Variants in SLC4A10 observed in about 807,000 individuals in gnomAD.
The protein encoded by SLC4A10 is sodium-driven chloride bicarbonate exchanger.
Under a neutral mutation model 137.7 loss-of-function variants are expected in SLC4A10, and 42 were observed. The observed-to-expected ratio is 0.30, with a 90% confidence interval of 0.24 to 0.39. The LOEUF (loss-of-function observed/expected upper bound fraction) is 0.39, where lower values mean the gene tolerates loss of function less well. Among genes scored for constraint, SLC4A10 ranks in the 10% least tolerant of loss-of-function variants. The pLI, the probability that SLC4A10 is intolerant of heterozygous loss-of-function variation, is 1.00. For synonymous variants in SLC4A10, 474 were observed against 464.1 expected, an observed-to-expected ratio of 1.02 and a Z score of -0.27; for missense variants, 925 against 1,355.0, an observed-to-expected ratio of 0.68 and a Z score of 4.98.
intron 2 of SLC4A10, among the ~76,000 whole-genome samples, chr2:161,779,586 C>T (rs1362272896): frequency 6.6e-6 from 1 of 151,730 alleles, no homozygotes; most frequent in Non-Finnish European, 1.5e-5. Context: ...ATAATAAGTG[C>T]ACATCTCATA....
intron 4 of SLC4A10, among the ~76,000 whole-genome samples, chr2:161,847,653 T>G (rs1365645940): frequency 6.6e-6 from 1 of 152,176 alleles, no homozygotes; most frequent in Admixed American, 6.5e-5. Context: ...CCTGCATTAG[T>G]TCACTTAGGA....
intron 2 of SLC4A10, among the ~76,000 whole-genome samples, chr2:161,786,545 G>A (rs537027823): frequency 1.3e-3 from 200 of 151,376 alleles, no homozygotes; most frequent in African/African-American, 4.7e-3. Flanking sequence ...TGACAGGAGA[G>A]TATTGTCCTA....
chr2:161,916,766 G>A (rs546275140), intron 15 of SLC4A10, among the ~76,000 whole-genome samples: 5 of 152,252 alleles, frequency 3.3e-5, no homozygotes, highest in Admixed American at 3.3e-4. Flanking sequence ...GGCTTGGAAT[G>A]TTTCTGCCAG....
chr2:161,633,507 C>T (rs949073917), intron 1 of SLC4A10, among the ~76,000 whole-genome samples: 1 of 151,566 alleles, frequency 6.6e-6, no homozygotes, highest in Admixed American at 6.6e-5. Context: ...TCTAGGTTTT[C>T]AATGTCTTAC....
chr2:161,849,379 G>A (rs1185226971), intron 4 of SLC4A10, among the ~76,000 whole-genome samples: 4 of 151,964 alleles, frequency 2.6e-5, no homozygotes, highest in Non-Finnish European at 5.9e-5. Context: ...TTCTCTATCT[G>A]GATGGCTTTT....
chr2:161,783,659 C>T lies in SLC4A10; in HGVS notation c.130+12605C>T, dbSNP rs1035650805. Among the ~76,000 whole-genome samples the T allele has an allele frequency of 2.0e-5, 3 of 151,698 alleles. No homozygotes were observed. In the South Asian group the frequency reaches 6.2e-4, roughly 32 times the overall value. ...GTATGGGAAGGAGAGTAAAAAGAGG[C>T]ATATTTTTGTATGTCATTGAACTTA... On this transcript the variant is annotated intron_variant, in intron 2 of 26. Coordinates refer to ENST00000446997, the MANE Select transcript of SLC4A10 (RefSeq NM_001178015.2).
At chr2:161,845,957 G>T (rs116786426) in intron 4 of SLC4A10, among the ~76,000 whole-genome samples, 2 of 152,034 alleles carry the variant, frequency 1.3e-5, no homozygotes, top group African/African-American at 4.8e-5. Context: ...AGCGCAATTC[G>T]TAAAAGGAAA....
At chr2:161,704,301 T>C (rs972326867) in intron 1 of SLC4A10, among the ~76,000 whole-genome samples, 3 of 151,608 alleles carry the variant, frequency 2.0e-5, no homozygotes, top group Non-Finnish European at 4.4e-5. Flanking sequence ...AAGTAAACAA[T>C]CAATCACACA....
chr2:161,927,468 C>T (rs1028277841), intron 15 of SLC4A10, among the ~76,000 whole-genome samples: 1 of 152,252 alleles, frequency 6.6e-6, no homozygotes, highest in East Asian at 1.9e-4. Flanking sequence ...TGGGCAAGGA[C>T]TTCATGTCTA....
At chr2:161,857,618 A>C (rs530814042) in intron 5 of SLC4A10, among the ~76,000 whole-genome samples, 133 of 152,190 alleles carry the variant, frequency 8.7e-4, no homozygotes, top group Middle Eastern at 3.4e-3. Context: ...TTTTCTCTCT[A>C]TAGTTTGTAA....
Position 161,894,683 on chromosome 2 carries a change from T to C in SLC4A10, c.1199T>C (p.Phe400Ser). Reference sequence around the variant, plus strand: ...ATATTTCTATTTCTTCTAAAGGTATTTCATGATGTTGCCTATAAAGCTAAA... The same window carrying C: ...ATATTTCTATTTCTTCTAAAGGTATCTCATGATGTTGCCTATAAAGCTAAA... ...SIATLMTDEVFHDVAYKAKDR... is the reference protein window; with the variant it reads ...SIATLMTDEVSHDVAYKAKDR... Residue 400 changes from phenylalanine (F) to serine (S), a missense_variant, in exon 11 of 27, where the codon TTT becomes TCT. Around this residue, in one of 11 missense-constraint regions of SLC4A10, gnomAD observed 277 missense variants for 306.1 expected, o/e 0.90. Coordinates refer to ENST00000446997, the MANE Select transcript of SLC4A10 (RefSeq NM_001178015.2). 7.2e-7 allele frequency: 1 copy of C among 1,391,864 alleles called. No individual in the cohort carries two copies. Among genetic ancestry groups the C allele is most frequent in the Non-Finnish European group, 9.4e-7 (1 of 1,062,170 alleles). 86.2% of individuals were successfully genotyped at this position (1,391,864 alleles called of 1,614,324 possible). A position where few individuals can be genotyped will look rare whatever the true frequency, so the allele number is the denominator to read the frequency against.
intron 1 of SLC4A10, among the ~76,000 whole-genome samples, chr2:161,650,252 T>G (rs2036604203): frequency 6.6e-6 from 1 of 152,264 alleles, no homozygotes; most frequent in African/African-American, 2.4e-5. Flanking sequence ...TATGATGTTT[T>G]CTGCATGATT....
At chr2:161,863,639 G>A (rs2060563064) in intron 6 of SLC4A10, among the ~76,000 whole-genome samples, 1 of 152,152 alleles carries the variant, frequency 6.6e-6, no homozygotes, top group African/African-American at 2.4e-5. Flanking sequence ...CATCCATGGA[G>A]CCACCCCACT....
At chr2:161,840,707 G>C (rs879004192) in intron 4 of SLC4A10, among the ~76,000 whole-genome samples, 1 of 152,156 alleles carries the variant, frequency 6.6e-6, no homozygotes, top group South Asian at 2.1e-4. Context: ...CTGTGATACA[G>C]GTGTGCACAA....
At chr2:161,687,711 G>T (rs1373427481) in intron 1 of SLC4A10, among the ~76,000 whole-genome samples, 3 of 152,188 alleles carry the variant, frequency 2.0e-5, no homozygotes, top group Non-Finnish European at 4.4e-5. Context: ...CCGGGTCGAT[G>T]TAAGTGAATC....
At chr2:161,662,773 A>G (rs1016058997) in intron 1 of SLC4A10, among the ~76,000 whole-genome samples, 1 of 152,206 alleles carries the variant, frequency 6.6e-6, no homozygotes, top group African/African-American at 2.4e-5. Context: ...CCCAGGAACT[A>G]AAGTCAGTAA....
chr2:161,945,190 A>G (rs1326364658), intron 16 of SLC4A10, among the ~76,000 whole-genome samples: 3,533 of 18,710 alleles, frequency 0.19, 222 homozygotes, highest in African/African-American at 0.28. Flanking sequence ...GTGTATATAT[A>G]TATATATATA....
intron 1 of SLC4A10, among the ~76,000 whole-genome samples, chr2:161,690,700 A>G (rs1388981971): frequency 6.6e-6 from 1 of 152,204 alleles, no homozygotes; most frequent in Non-Finnish European, 1.5e-5. Context: ...CAGAAAACCA[A>G]ACACCACATG....
At chr2:161,648,400 CCTAT>C (rs2036351919) in intron 1 of SLC4A10, among the ~76,000 whole-genome samples, 1 of 152,120 alleles carries the variant, frequency 6.6e-6, no homozygotes, top group African/African-American at 2.4e-5. Flanking sequence ...ACTTCAATTT[CCTAT>C]CTAAGCTTAA....
Sources: allele counts gnomAD v4.1 joint callset (sites outside exome capture counted in the v4.1 genomes callset), GRCh38; gene constraint gnomAD v4.1.1; regional missense constraint gnomAD v4.1.1; transcripts MANE v1.5; gene names NCBI Gene and HGNC (gene_info 2026-07-23, HGNC 2026-07-21).